The following ANK3 variants were observed in gnomAD, a reference collection of about 807,000 sequenced individuals.
The protein encoded by ANK3 is ankyrin-3.
In ANK3, 57 loss-of-function variants were observed where a neutral mutation model predicts 370.9. The observed-to-expected ratio is 0.15, with a 90% CI of 0.12 to 0.19. The LOEUF is 0.19. ANK3 is among the 10% of genes least tolerant of loss of function. The probability of loss-of-function intolerance (pLI) is 1.00; values close to 1 mark genes in which losing one functional copy is unlikely to be tolerated. For synonymous variants in ANK3, 1,929 were observed against 1,946.3 expected, an observed-to-expected ratio of 0.99 and a Z score of 0.23; for missense variants, 4,439 against 5,302.1, an observed-to-expected ratio of 0.84 and a Z score of 5.06.
chr10:60,699,429 T>A (rs2133415439), intron 1 of ANK3, among the ~76,000 whole-genome samples: 2 of 152,214 alleles, frequency 1.3e-5, no homozygotes, highest in Admixed American at 1.3e-4. Context: ...CAATAAAATT[T>A]TACTTTTTAA....
In ANK3 at chr10:60,658,016, C is replaced by CTTT. The variant is rs34249629; in HGVS notation, c.58-42795_58-42793dup. ...ATCTTGAAGTCTATAGCCATTCCAA[C>CTTT]TTTTTTTTTTTTTTGCTGTTTCCAT... On this transcript the variant is annotated intron_variant, in intron 1 of 43. Coordinates refer to the ANK3 transcript ENST00000373827. Among the ~76,000 whole-genome samples, 277 of 141,380 alleles carry CTTT rather than the reference C, an allele frequency of 2.0e-3. 1 individual carries two copies. Among genetic ancestry groups the CTTT allele is most frequent in the African/African-American group, 6.6e-3 (254 of 38,528 alleles). The allele number at this position is 141,380 out of a possible 152,430, so 92.8% of individuals were successfully genotyped here.
intron 1 of ANK3, among the ~76,000 whole-genome samples, chr10:60,671,743 C>T (rs1430707980): frequency 6.6e-6 from 1 of 152,208 alleles, no homozygotes; most frequent in East Asian, 1.9e-4. Context: ...TCTAGGACCA[C>T]TCACAGTGGG....
intron 2 of ANK3, among the ~76,000 whole-genome samples, chr10:60,491,849 CAT>C (rs1238366289): frequency 6.6e-6 from 1 of 152,094 alleles, no homozygotes; most frequent in Non-Finnish European, 1.5e-5. Flanking sequence ...TCTGTCTCCT[CAT>C]ATATAAAATA....
At chr10:60,113,405 G>A (rs2092852872) in intron 26 of ANK3, among the ~76,000 whole-genome samples, 1 of 152,250 alleles carries the variant, frequency 6.6e-6, no homozygotes, top group South Asian at 2.1e-4. Context: ...AGAGCTTACT[G>A]CTCATTTAAA....
Position 60,411,503 on chromosome 10 carries a change from G to A in ANK3, c.97-131864C>T, listed in dbSNP as rs187563190. On this transcript the variant is annotated intron_variant, in intron 2 of 43. Coordinates refer to the ANK3 transcript ENST00000373827. ...AGCAGGTCTGGGGAGAAGGGAGCAT[G>A]TGGCAGGCAGTCTGCTTCTCAGTCT... 2.9e-4 allele frequency among the ~76,000 whole-genome samples: 44 copies of A among 152,326 alleles called. No homozygotes were observed. In the East Asian group the frequency reaches 7.7e-3, roughly 27 times the overall value.
At chr10:60,672,203 A>C (rs1453043218) in intron 1 of ANK3, among the ~76,000 whole-genome samples, 6 of 152,174 alleles carry the variant, frequency 3.9e-5, no homozygotes, top group African/African-American at 1.4e-4. Context: ...GAGGTGCTAG[A>C]TGCATCTTTT....
At chr10:60,530,705 G>T (rs532712507) in intron 2 of ANK3, among the ~76,000 whole-genome samples, 1 of 152,134 alleles carries the variant, frequency 6.6e-6, no homozygotes, top group African/African-American at 2.4e-5. Context: ...ATAAGGGAAC[G>T]CACACACAGG....
intron 2 of ANK3, among the ~76,000 whole-genome samples, chr10:60,482,482 A>G (rs1215332899): frequency 6.8e-6 from 1 of 146,468 alleles, no homozygotes; most frequent in East Asian, 2.2e-4. Flanking sequence ...AATCAAAACT[A>G]CTCTCTAACA....
intron 25 of ANK3, among the ~76,000 whole-genome samples, chr10:60,132,236 T>G (rs2094116214): frequency 6.6e-6 from 1 of 152,152 alleles, no homozygotes; most frequent in African/African-American, 2.4e-5. Context: ...TTAAAACCCA[T>G]GACATGCTAT....
At chr10:60,063,997 A>G (rs1246476056) in intron 39 of ANK3, among the ~76,000 whole-genome samples, 160 bp downstream of exon 39, 1 of 152,262 alleles carries the variant, frequency 6.6e-6, no homozygotes, top group Non-Finnish European at 1.5e-5. Context: ...TTAAACAAGT[A>G]TAACTTCAAA....
chr10:60,641,797 A>C (rs1245802318), intron 1 of ANK3, among the ~76,000 whole-genome samples: 1 of 152,260 alleles, frequency 6.6e-6, no homozygotes, highest in Non-Finnish European at 1.5e-5. Context: ...TAATTAAACT[A>C]AAGAGCTTCT....
At chr10:60,700,231 T>A (rs891467577) in intron 1 of ANK3, among the ~76,000 whole-genome samples, 4 of 152,194 alleles carry the variant, frequency 2.6e-5, no homozygotes, top group African/African-American at 9.7e-5. Context: ...ACCTAAATAA[T>A]TCCAATACAG....
At chr10:60,228,782 A>C (rs12773659) in intron 8 of ANK3, among the ~76,000 whole-genome samples, 1 of 152,200 alleles carries the variant, frequency 6.6e-6, no homozygotes, top group Non-Finnish European at 1.5e-5. Context: ...ACCAACATAC[A>C]TTAAGAAACA....
At chr10:60,510,691 ATGCC>A (rs1458261804) in intron 2 of ANK3, among the ~76,000 whole-genome samples, 16 of 152,158 alleles carry the variant, frequency 1.1e-4, no homozygotes, top group Admixed American at 5.9e-4. Context: ...ATGGTGGCAG[ATGCC>A]TGTAATCCCA....
chr10:60,505,971 G>A (rs2075929092), intron 2 of ANK3, among the ~76,000 whole-genome samples: 1 of 151,978 alleles, frequency 6.6e-6, no homozygotes, highest in Non-Finnish European at 1.5e-5. Flanking sequence ...GAAACAACTT[G>A]CTTCTGCAGC....
intron 17 of ANK3, among the ~76,000 whole-genome samples, chr10:60,182,706 G>C (rs1353149497): frequency 6.6e-6 from 1 of 152,164 alleles, no homozygotes; most frequent in Non-Finnish European, 1.5e-5. Flanking sequence ...TTCAGGGGTT[G>C]CTATTCCATC....
At chr10:60,368,739 A>C (rs2059723764) in intron 1 of ANK3, among the ~76,000 whole-genome samples, 1 of 152,226 alleles carries the variant, frequency 6.6e-6, no homozygotes. Flanking sequence ...AATAGAATGG[A>C]AATCTGCATG....
chr10:60,304,406 G>A (rs748963915), intron 1 of ANK3, among the ~76,000 whole-genome samples: 3 of 152,170 alleles, frequency 2.0e-5, no homozygotes, highest in Admixed American at 2.0e-4. Context: ...ACTTTGGGAG[G>A]CTGAGGTGGG....
At chr10:60,380,215 T>G (rs1374840530) in intron 1 of ANK3, among the ~76,000 whole-genome samples, 1 of 152,182 alleles carries the variant, frequency 6.6e-6, no homozygotes, top group Non-Finnish European at 1.5e-5. Context: ...TCCTACTATC[T>G]ACATCCCGTT....
Sources: allele counts gnomAD v4.1 joint callset (sites outside exome capture counted in the v4.1 genomes callset), GRCh38; gene constraint gnomAD v4.1.1; transcripts MANE v1.5; gene names NCBI Gene and HGNC (gene_info 2026-07-23, HGNC 2026-07-21).